MON2: variants seen among roughly 807,000 people sequenced by gnomAD.
MON2 encodes the protein MON2 regulator of endosome-to-Golgi trafficking, also known as protein MON2 homolog.
MON2 carries 84 observed loss-of-function variants against 208.6 expected under a neutral mutation model. The ratio of observed to expected loss-of-function variants is 0.40; its 90% CI spans 0.34 to 0.48. The LOEUF (loss-of-function observed/expected upper bound fraction) is 0.48, where lower values mean the gene tolerates loss of function less well. Ranked by LOEUF, MON2 falls within the 20% of genes least tolerant of loss-of-function variation. MON2 has a pLI of 0.59. For missense variants in MON2, 1,611 were observed against 2,015.4 expected, an observed-to-expected ratio of 0.80 and a Z score of 3.84; for synonymous variants, 660 against 694.0, an observed-to-expected ratio of 0.95 and a Z score of 0.77.
intron 24 of MON2, among the ~76,000 whole-genome samples, chr12:62,555,355 T>A (rs956956518): frequency 1.3e-5 from 2 of 150,690 alleles, no homozygotes; most frequent in East Asian, 1.9e-4. Flanking sequence ...AATTTTGGGT[T>A]TTTTTTTTGG....
At chr12:62,470,273 AAG>A (rs768930857) in intron 1 of MON2, among the ~76,000 whole-genome samples, 1 of 152,160 alleles carries the variant, frequency 6.6e-6, no homozygotes, top group Non-Finnish European at 1.5e-5. Context: ...AAACCAATAA[AAG>A]AGTATTGATA....
rs1354091100 is a variant in MON2, at chr12:62,566,014, A to C, written c.4177A>C (p.Ile1393Leu). ...TTGCAACACAATGGAATCACAATAG[A>C]TCCAACTATTTGCACCGGTGAGTTA... The part of the protein sequence containing the change: ...KHIANAKYNQ[I>L]QLFAPAEWVA... The change falls in exon 28 of 35, where the codon ATC becomes CTC. Residue 1393 changes from isoleucine (I) to leucine (L), a missense_variant and splice_region_variant. Physicochemically the swap from Ile to Leu is conservative, Grantham distance 5 (BLOSUM62 2). Coordinates refer to ENST00000393630, the MANE Select transcript of MON2 (RefSeq NM_015026.3). The C allele has an allele frequency of 1.2e-6, 2 of 1,610,860 alleles. No individual in the cohort carries two copies. The highest frequency in any genetic ancestry group is 1.7e-6 in the Non-Finnish European group (2 of 1,178,360).
intron 12 of MON2, among the ~76,000 whole-genome samples, chr12:62,534,338 G>T (rs905062934): frequency 6.6e-6 from 1 of 150,996 alleles, no homozygotes; most frequent in African/African-American, 2.4e-5. Flanking sequence ...GACCAACATG[G>T]TGAAACCCTG....
In MON2 at chr12:62,566,204, T is replaced by A. The variant is rs1284983981; in HGVS notation, c.4195-118T>A. On this transcript the variant is annotated intron_variant, in intron 28 of 34. Coordinates refer to ENST00000393630, the MANE Select transcript of MON2 (RefSeq NM_015026.3). ...CTCTTTGAAAACTTTGCATGTAATA[T>A]AATCTGACCTAAAACCAAGGCCTGA... 2.2e-6 allele frequency: 3 copies of A among 1,376,264 alleles called. No individual in the cohort carries two copies. The African/African-American group carries it at 4.4e-5, about 20-fold the overall frequency. The allele number at this position is 1,376,264 out of a possible 1,614,324, so 85.3% of individuals were successfully genotyped here.
At chr12:62,535,792 T>A in intron 14 of MON2, 83 bp downstream of exon 14, 3 of 1,104,410 alleles carry the variant, frequency 2.7e-6, no homozygotes, top group Non-Finnish European at 2.4e-6. Flanking sequence ...TGAGTTTAAG[T>A]CTCTGCTTTT....
intron 13 of MON2, 72 bp downstream of exon 13, chr12:62,534,998 A>G (rs1302059341): frequency 1.0e-5 from 11 of 1,071,774 alleles, no homozygotes; most frequent in Admixed American, 1.9e-5. Flanking sequence ...GTTTACTTAC[A>G]TTTGTCCCTA....
At chr12:62,492,916 T>C (rs1349498233) in intron 2 of MON2, among the ~76,000 whole-genome samples, 1 of 151,420 alleles carries the variant, frequency 6.6e-6, no homozygotes, top group Non-Finnish European at 1.5e-5. Flanking sequence ...GAGTCGGAGG[T>C]TGCAGTGAGC....
At chr12:62,530,857 A>G (rs766595310) in intron 11 of MON2, among the ~76,000 whole-genome samples, 1 of 152,166 alleles carries the variant, frequency 6.6e-6, no homozygotes, top group Non-Finnish European at 1.5e-5. Flanking sequence ...CCTACCAACA[A>G]TGTGTGAGGA....
intron 24 of MON2, among the ~76,000 whole-genome samples, chr12:62,555,353 G>GT (rs141628000): frequency 0.047 from 6,982 of 147,258 alleles, 187 homozygotes; most frequent in Middle Eastern, 0.074. Context: ...CTAATTTTGG[G>GT]TTTTTTTTTT....
At chr12:62,473,260 A>G (rs2068884786) in intron 1 of MON2, among the ~76,000 whole-genome samples, 1 of 152,226 alleles carries the variant, frequency 6.6e-6, no homozygotes, top group Admixed American at 6.5e-5. Flanking sequence ...TTCATTTTAC[A>G]GATGAGGAAA....
chr12:62,535,754 AT>A, intron 14 of MON2, 45 bp downstream of exon 14: 1 of 1,486,614 alleles, frequency 6.7e-7, no homozygotes, highest in South Asian at 1.2e-5. Context: ...GTGGGATGAT[AT>A]GGTGTAGACA....
In MON2 at chr12:62,599,836, T is replaced by C. The variant is rs1025969659; in HGVS notation, c.*7087T>C. 1 of 152,192 alleles carries C rather than the reference T, an allele frequency of 6.6e-6. No individual in the cohort carries two copies. 9.4% of individuals were successfully genotyped at this position (152,192 alleles called of 1,614,324 possible). ...TTTCTATGATGGGCACTGGGACAAA[T>C]ATACTTGAACATAACAAAGAACTAA... is the stretch of plus-strand genomic sequence containing the variant. On this transcript the variant is annotated 3_prime_UTR_variant, in exon 35 of 35. Coordinates refer to ENST00000393630, the MANE Select transcript of MON2 (RefSeq NM_015026.3).
chr12:62,592,778 G>C lies in MON2; in HGVS notation c.*29G>C, dbSNP rs963075790. On this transcript the variant is annotated 3_prime_UTR_variant, in exon 35 of 35. Coordinates refer to ENST00000393630, the MANE Select transcript of MON2 (RefSeq NM_015026.3). ...GCTACAATATATTTGAAAGCAGGAAGATAGTCTAAAAAATGTTTGCTCCTA... is the reference window on the plus strand; with the variant it reads ...GCTACAATATATTTGAAAGCAGGAACATAGTCTAAAAAATGTTTGCTCCTA... 1 of 1,529,556 alleles carries C rather than the reference G, an allele frequency of 6.5e-7. No homozygotes were observed. Among genetic ancestry groups the C allele is most frequent in the Admixed American group, 1.8e-5 (1 of 56,328 alleles). The allele number at this position is 1,529,556 out of a possible 1,614,324, so 94.7% of individuals were successfully genotyped here.
intron 25 of MON2, 45 bp from the exon 26 acceptor site, chr12:62,560,446 T>A (rs762474409): frequency 2.6e-6 from 4 of 1,522,162 alleles, no homozygotes; most frequent in Non-Finnish European, 3.5e-6. Context: ...AGAGAAAATT[T>A]GATCGCTTTT....
Position 62,593,865 on chromosome 12 carries a change from T to A in MON2, c.*1116T>A, listed in dbSNP as rs2075466246. ...AACTCACAAGTATAAAATATGTGTG[T>A]ATTATAAAACAATGAAAAGTGTATT... On this transcript the variant is annotated 3_prime_UTR_variant, in exon 35 of 35. Coordinates refer to ENST00000393630, the MANE Select transcript of MON2 (RefSeq NM_015026.3). The A allele has an allele frequency of 6.6e-6, 1 of 152,200 alleles. No homozygotes were observed. Among genetic ancestry groups the A allele is most frequent in the African/African-American group, 2.4e-5 (1 of 41,454 alleles). 9.4% of individuals were successfully genotyped at this position (152,200 alleles called of 1,614,324 possible).
At chr12:62,483,391 A>T (rs141212810) in intron 1 of MON2, among the ~76,000 whole-genome samples, 1 of 152,184 alleles carries the variant, frequency 6.6e-6, no homozygotes, top group Non-Finnish European at 1.5e-5. Context: ...AAAAAAGAAA[A>T]CAAAGTAGCT....
chr12:62,570,105 A>G (rs2074534160), intron 29 of MON2, among the ~76,000 whole-genome samples: 1 of 152,202 alleles, frequency 6.6e-6, no homozygotes, highest in Non-Finnish European at 1.5e-5. Context: ...TAATTGCAAG[A>G]TAGAACTGTG....
rs758759407 is a variant in MON2 at position 62,526,102 on chromosome 12, A to G, written c.1400A>G (p.Tyr467Cys). The change falls in exon 11 of 35, where the codon TAC (tyrosine) becomes TGC (cysteine). Residue 467 changes from tyrosine to cysteine, a missense_variant and splice_region_variant. Transcript: ENST00000393630. ...GTTCAAGGCAGTGCTAAAGCCACCT[A>G]GTAAGTAGTAGCAGCATTATTTTAT... ...ITVQGSAKAT[Y>C]LEMLDKVEPP... 5 of 1,611,986 alleles carry G rather than the reference A, an allele frequency of 3.1e-6. No individual in the cohort carries two copies. Among genetic ancestry groups the G allele is most frequent in the South Asian group, 1.1e-5 (1 of 91,020 alleles).
intron 1 of MON2, chr12:62,483,145 G>T (rs1592830203): frequency 1.3e-5 from 2 of 152,094 alleles, no homozygotes; most frequent in Admixed American, 1.3e-4. Context: ...ATATTTAGGG[G>T]ATAGGTTATA....
Sources: allele counts gnomAD v4.1 joint callset (sites outside exome capture counted in the v4.1 genomes callset), GRCh38; gene constraint gnomAD v4.1.1; transcripts MANE v1.5; gene names NCBI Gene and HGNC (gene_info 2026-07-23, HGNC 2026-07-21).